The following RBPJ variants were observed in gnomAD, a reference collection of about 807,000 sequenced individuals.
RBPJ encodes recombining binding protein suppressor of hairless.
RBPJ carries 9 observed loss-of-function variants against 67.8 expected under a neutral mutation model. That is an observed-to-expected ratio of 0.13 (90% CI 0.08 to 0.23). The LOEUF is 0.23. RBPJ is among the 10% of genes least tolerant of loss of function. The pLI is 1.00. For missense variants in RBPJ, 305 were observed against 595.6 expected (o/e 0.51, Z 5.08); for synonymous variants, 198 against 203.3 (o/e 0.97, Z 0.22).
At position 26,230,689 on chromosome 4, in the gene RBPJ, G is replaced by A. The variant is rs548357586; in HGVS notation, c.-167+67075G>A. ...ATTAAGTGATCTTTATTTCTGATGC[G>A]ACCAATGGCATATTTTTATTTCCTT... is the stretch of plus-strand genomic sequence containing the variant. On this transcript the variant is annotated intron_variant, in intron 1 of 4. Coordinates refer to the RBPJ transcript ENST00000512351. Among the ~76,000 whole-genome samples the A allele has an allele frequency of 2.5e-4, 38 of 152,164 alleles. No individual in the cohort carries two copies. In the South Asian group the frequency reaches 5.0e-3, roughly 20 times the overall value.
intron 1 of RBPJ, among the ~76,000 whole-genome samples, chr4:26,273,263 A>G (rs550185938): frequency 3.9e-5 from 6 of 152,284 alleles, no homozygotes; most frequent in African/African-American, 1.4e-4. Flanking sequence ...AAACTTCCTG[A>G]GCTGACATTA....
intron 1 of RBPJ, among the ~76,000 whole-genome samples, chr4:26,213,306 A>G (rs1369416915): frequency 6.6e-6 from 1 of 152,176 alleles, no homozygotes; most frequent in African/African-American, 2.4e-5. Context: ...TGCTGGTGGG[A>G]AGAAAATCCC....
chr4:26,201,324 C>T (rs1030004096), intron 1 of RBPJ, among the ~76,000 whole-genome samples: 2 of 152,136 alleles, frequency 1.3e-5, no homozygotes, highest in African/African-American at 4.8e-5. Flanking sequence ...GTAACTTTTA[C>T]TTAACTGGGT....
intron 1 of RBPJ, among the ~76,000 whole-genome samples, chr4:26,385,478 G>C (rs1280035163): frequency 6.6e-6 from 1 of 152,126 alleles, no homozygotes; most frequent in Non-Finnish European, 1.5e-5. Context: ...TCATGGATTT[G>C]AACCCAGCCA....
At chr4:26,214,491 AGGAG>A (rs1227751911) in intron 1 of RBPJ, among the ~76,000 whole-genome samples, 138 of 96,202 alleles carry the variant, frequency 1.4e-3, no homozygotes, top group African/African-American at 5.1e-3. Flanking sequence ...CAAGGAGGGA[AGGAG>A]GGAGGGAGGG....
chr4:26,318,071 G>T (rs1722716768), upstream of RBPJ, among the ~76,000 whole-genome samples: 2 of 151,488 alleles, frequency 1.3e-5, no homozygotes, highest in Non-Finnish European at 3.0e-5. Context: ...GCACCAAATG[G>T]TTTTAAGTCT....
chr4:26,271,801 T>G (rs1339586581), intron 1 of RBPJ, among the ~76,000 whole-genome samples: 2 of 152,154 alleles, frequency 1.3e-5, no homozygotes, highest in African/African-American at 4.8e-5. Context: ...CCATGAGTCT[T>G]CAACATACAA....
chr4:26,274,828 G>A lies in RBPJ; in HGVS notation c.-166-87618G>A, dbSNP rs1043331004. On this transcript the variant is annotated intron_variant, in intron 1 of 4. Coordinates refer to the RBPJ transcript ENST00000512351. ...GCACATTTGTGATCCCAGCTATTCG[G>A]AAGGCTAAAGCAGGAGAATTGCTTG... 2.0e-5 allele frequency among the ~76,000 whole-genome samples: 3 copies of A among 152,070 alleles called. No individual in the cohort carries two copies. In the South Asian group the frequency reaches 6.2e-4, roughly 32 times the overall value.
At chr4:26,349,657 A>G (rs1169088921) in intron 1 of RBPJ, among the ~76,000 whole-genome samples, 1 of 152,204 alleles carries the variant, frequency 6.6e-6, no homozygotes, top group African/African-American at 2.4e-5. Flanking sequence ...ACCTTTTTGC[A>G]TAGAGAAAAT....
the RBPJ span, among the ~76,000 whole-genome samples, chr4:26,157,308 C>T: frequency 6.6e-6 from 1 of 152,058 alleles, no homozygotes; most frequent in Non-Finnish European, 1.5e-5. Flanking sequence ...TGACACACAT[C>T]TGCAGTCCCA....
At chr4:26,124,437 TATATATATATATATATATATATATAC>T in the RBPJ span, among the ~76,000 whole-genome samples, 4 of 113,986 alleles carry the variant, frequency 3.5e-5, no homozygotes, top group East Asian at 2.5e-4. Flanking sequence ...TATATATATA[TATATATATATATATATATATATATAC>T]CAGTTTCTTT....
intron 1 of RBPJ, among the ~76,000 whole-genome samples, chr4:26,311,347 G>C (rs1722421779): frequency 1.3e-5 from 2 of 152,058 alleles, no homozygotes; most frequent in Admixed American, 6.5e-5. Context: ...AACCAGCCTG[G>C]CTAACATGAT....
Position 26,321,039 on chromosome 4 carries a change from T to C in RBPJ, c.11T>C (p.Val4Ala), listed in dbSNP as rs2109321363. ...GAGAGTTTGTGGAAGATGGCGCCTG[T>C]TGTGACAGGGTAAGTCTGAGGGAAT... MAP[V>A]VTGKFGERPP... Residue 4 changes from valine to alanine, a missense_variant, in exon 1 of 11, where the codon GTT becomes GCT. Physicochemically the swap from Val to Ala is moderately conservative, Grantham distance 64. This residue lies in a region of RBPJ where 42 missense variants were observed against 43.6 expected (regional missense o/e 0.96). Transcript: ENST00000355476. The C allele has an allele frequency of 6.2e-7, 1 of 1,612,106 alleles. No individual in the cohort carries two copies. The highest frequency in any genetic ancestry group is 1.1e-5 in the South Asian group (1 of 91,030).
At chr4:26,177,004 T>G (rs1279250170) in intron 1 of RBPJ, among the ~76,000 whole-genome samples, 2 of 152,216 alleles carry the variant, frequency 1.3e-5, no homozygotes, top group Non-Finnish European at 2.9e-5. Context: ...ATTCAGTAAA[T>G]GTAAAGTTGC....
chr4:26,148,629 A>C, the RBPJ span, among the ~76,000 whole-genome samples: 14 of 152,380 alleles, frequency 9.2e-5, no homozygotes, highest in African/African-American at 2.9e-4. Context: ...ACTCTAATCC[A>C]AATGAAAGAT....
At chr4:26,320,619 C>A, upstream of RBPJ, 1 of 1,012,570 alleles carries the variant, frequency 9.9e-7, no homozygotes, top group Non-Finnish European at 1.4e-6. Flanking sequence ...TTTCCCAGGA[C>A]CCCTCCTCCC....
chr4:26,148,676 T>A, the RBPJ span, among the ~76,000 whole-genome samples: 1 of 152,228 alleles, frequency 6.6e-6, no homozygotes, highest in Non-Finnish European at 1.5e-5. Context: ...AAAAAAGCAG[T>A]GCTATTCCTG....
intron 3 of RBPJ, among the ~76,000 whole-genome samples, chr4:26,414,670 T>A (rs1415776556): frequency 2.6e-5 from 4 of 152,220 alleles, no homozygotes; most frequent in Admixed American, 2.6e-4. Context: ...ATGTAAAATA[T>A]GAGCCTTGAG....
intron 1 of RBPJ, among the ~76,000 whole-genome samples, chr4:26,325,599 T>C (rs1367174666): frequency 1.3e-5 from 2 of 152,192 alleles, no homozygotes; most frequent in Non-Finnish European, 2.9e-5. Context: ...AATGAGATAA[T>C]GTATGAAAGC....
Sources: allele counts gnomAD v4.1 joint callset (sites outside exome capture counted in the v4.1 genomes callset), GRCh38; gene constraint gnomAD v4.1.1; regional missense constraint gnomAD v4.1.1; transcripts MANE v1.5; gene names NCBI Gene and HGNC (gene_info 2026-07-23, HGNC 2026-07-21).